DUX4: variants seen among roughly 807,000 people sequenced by gnomAD.
The protein encoded by DUX4 is double homeobox protein 4.
intron 1 of DUX4, 61 bp downstream of exon 1, chr4:190,175,345 C>T (rs1742227260): frequency 1.0e-5 from 1 of 100,220 alleles, no homozygotes; most frequent in South Asian, 3.8e-4. Context: ...TGGGAGCAGC[C>T]CGGGCAGAGC....
At chr4:190,177,073 G>C (rs1579832374), downstream of DUX4, among the ~76,000 whole-genome samples, 4 of 152,304 alleles carry the variant, frequency 2.6e-5, no homozygotes, top group African/African-American at 9.6e-5. Context: ...GCAGAGTATA[G>C]AGAAGAGTCC....
chr4:190,181,232 C>CCACCTGGGTGATCAGTGCAGAAATATGTG (rs1742554070), intron 1 of DUX4, among the ~76,000 whole-genome samples: 1 of 149,746 alleles, frequency 6.7e-6, no homozygotes, highest in Non-Finnish European at 1.5e-5. Context: ...CCCCCATAGG[C>CCACCTGGGTGATCAGTGCAGAAATATGTG]AAATCCAAGA....
intron 1 of DUX4, among the ~76,000 whole-genome samples, chr4:190,183,917 T>C (rs1332832943): frequency 8.3e-6 from 1 of 120,582 alleles, no homozygotes. Flanking sequence ...AGTGACTCAC[T>C]CAAGCTTAGG....
At chr4:190,182,226 G>GAGGGTGAGGGTTAGGGTT (rs1742607006) in intron 1 of DUX4, 2 of 128,854 alleles carry the variant, frequency 1.6e-5, no homozygotes, top group Admixed American at 8.7e-5. Context: ...GGGTCAGGGT[G>GAGGGTGAGGGTTAGGGTT]AGGGTGAGGG....
At chr4:190,181,562 GC>G (rs1742582178) in intron 1 of DUX4, among the ~76,000 whole-genome samples, 26 of 98,896 alleles carry the variant, frequency 2.6e-4, no homozygotes, top group Middle Eastern at 0.013. Context: ...ATGTCACTAT[GC>G]CCCGTAGGCA....
downstream of DUX4, among the ~76,000 whole-genome samples, chr4:190,179,466 GAA>G (rs1742495436): frequency 1.7e-5 from 1 of 59,768 alleles, no homozygotes; most frequent in Non-Finnish European, 3.9e-5. Flanking sequence ...AGATCCTAGA[GAA>G]GAGTTATATC....
intron 1 of DUX4, among the ~76,000 whole-genome samples, chr4:190,183,811 T>C (rs1256070021): frequency 0.069 from 6,507 of 94,324 alleles, 223 homozygotes; most frequent in East Asian, 0.18. Flanking sequence ...CACCAGCTGG[T>C]TACTGCTACC....
chr4:190,176,353 A>G (rs1404026750), downstream of DUX4, among the ~76,000 whole-genome samples: 1 of 115,512 alleles, frequency 8.7e-6, no homozygotes, highest in African/African-American at 2.6e-5. Context: ...TGATCAGTGC[A>G]GAGATGTGTC....
chr4:190,178,687 G>GT (rs1742443677), downstream of DUX4, among the ~76,000 whole-genome samples: 12 of 119,080 alleles, frequency 1.0e-4, no homozygotes, highest in African/African-American at 4.3e-4. Flanking sequence ...GCAGAGATAT[G>GT]TCACAAAGCT....
At position 190,175,776 on chromosome 4, in the gene DUX4, T is replaced by G. The variant is rs1287134088; in HGVS notation, c.*366T>G. On this transcript the variant is annotated 3_prime_UTR_variant, in exon 2 of 2. Transcript: ENST00000565211. Reference sequence around the variant, plus strand: ...CCGACGCTGTCTAGGCAAACCTGGATTAGAGTTACATCTCCTGGATGATTA... The same window carrying G: ...CCGACGCTGTCTAGGCAAACCTGGAGTAGAGTTACATCTCCTGGATGATTA... 6.6e-6 allele frequency: 1 copy of G among 152,274 alleles called. No individual in the cohort carries two copies. The highest frequency in any genetic ancestry group is 2.7e-5 in the African/African-American group (1 of 37,042). The allele number at this position is 152,274 out of a possible 1,614,324, so 9.4% of individuals were successfully genotyped here.
chr4:190,176,047 A>T (rs1261244080), downstream of DUX4, among the ~76,000 whole-genome samples: 209 of 112,034 alleles, frequency 1.9e-3, 29 homozygotes, highest in African/African-American at 5.2e-3. Flanking sequence ...GACAGAGCCT[A>T]GACAATTGTT....
At chr4:190,179,095 TCA>T (rs1742478040), downstream of DUX4, among the ~76,000 whole-genome samples, 7 of 1,628 alleles carry the variant, frequency 4.3e-3, no homozygotes, top group African/African-American at 0.022. Flanking sequence ...CAGAGATATG[TCA>T]CAATGCCACT....
At chr4:190,177,056 C>A (rs1471113960), downstream of DUX4, among the ~76,000 whole-genome samples, 4,657 of 117,000 alleles carry the variant, frequency 0.04, 1 homozygote, top group South Asian at 0.098. Flanking sequence ...CACAAATCCC[C>A]CTCTAGGCAG....
chr4:190,178,863 A>G (rs1279271295), downstream of DUX4, among the ~76,000 whole-genome samples: 1,415 of 111,608 alleles, frequency 0.013, no homozygotes, highest in African/African-American at 0.033. Flanking sequence ...CAACAGTTAC[A>G]TCACCTGGGT....
intron 1 of DUX4, among the ~76,000 whole-genome samples, chr4:190,182,345 G>GTTTGGA (rs1742611489): frequency 4.8e-4 from 42 of 87,160 alleles, no homozygotes; most frequent in Middle Eastern, 5.2e-3. Context: ...TCAGGTTCAA[G>GTTTGGA]TTTGGATTCG....
downstream of DUX4, among the ~76,000 whole-genome samples, chr4:190,179,357 G>GGAGTGATATGTCA (rs1742488573): frequency 6.6e-6 from 1 of 151,972 alleles, no homozygotes; most frequent in Admixed American, 6.5e-5. Flanking sequence ...GGTGATCAGT[G>GGAGTGATATGTCA]CAGAGATACA....
downstream of DUX4, among the ~76,000 whole-genome samples, chr4:190,178,157 G>GC (rs1742406637): frequency 2.1e-5 from 3 of 145,820 alleles, no homozygotes; most frequent in Non-Finnish European, 3.1e-5. Context: ...CCCTCTGTAG[G>GC]CAGAGACTAG....
chr4:190,181,998 T>C (rs1450287125), intron 1 of DUX4: 1 of 112,696 alleles, frequency 8.9e-6, no homozygotes, highest in Non-Finnish European at 2.1e-5. Context: ...TAGACAATTA[T>C]TACATCACTT....
downstream of DUX4, among the ~76,000 whole-genome samples, chr4:190,180,074 A>ACACAACAGTCTGCCACCTGGGT: frequency 5.0e-4 from 1 of 2,002 alleles, no homozygotes; most frequent in East Asian, 0.015. Context: ...GGCGAATCCA[A>ACACAACAGTCTGCCACCTGGGT]GACAAGAGTC....
Sources: allele counts gnomAD v4.1 joint callset (sites outside exome capture counted in the v4.1 genomes callset), GRCh38; gene constraint gnomAD v4.1.1; transcripts MANE v1.5; gene names NCBI Gene and HGNC (gene_info 2026-07-23, HGNC 2026-07-21).